SMAD9: variants seen among roughly 807,000 people sequenced by gnomAD.
The protein encoded by SMAD9 is MAD homolog 9.
Under a neutral mutation model 46.1 loss-of-function variants are expected in SMAD9, and 36 were observed. The observed-to-expected ratio is 0.78, with a 90% CI of 0.60 to 1.03. The LOEUF is 1.03. Among genes scored for constraint, SMAD9 ranks in the 50% least tolerant of loss-of-function variants. The pLI, the probability that SMAD9 is intolerant of heterozygous loss-of-function variation, is 0.00. For missense variants in SMAD9, 572 were observed against 599.8 expected, an observed-to-expected ratio of 0.95 and a Z score of 0.48; for synonymous variants, 245 against 237.1, an observed-to-expected ratio of 1.03 and a Z score of -0.31.
chr13:36,889,601 A>T (rs2058474093), intron 1 of SMAD9, among the ~76,000 whole-genome samples: 1 of 152,178 alleles, frequency 6.6e-6, no homozygotes, highest in Non-Finnish European at 1.5e-5. Flanking sequence ...TTGAAATTTT[A>T]TGTATACACA....
intron 5 of SMAD9, among the ~76,000 whole-genome samples, chr13:36,855,251 C>CAAA (rs1198605048): frequency 1.5e-4 from 7 of 45,928 alleles, no homozygotes; most frequent in African/African-American, 3.4e-4. Context: ...GAGTCCATCT[C>CAAA]AAAAAAAAAA....
chr13:36,874,728 G>A (rs1194363988), intron 2 of SMAD9, among the ~76,000 whole-genome samples: 2 of 151,438 alleles, frequency 1.3e-5, no homozygotes, highest in Non-Finnish European at 2.9e-5. Context: ...GTGGTTGCGG[G>A]TGCCTGTAGT....
chr13:36,889,733 T>C (rs1448559191), intron 1 of SMAD9, among the ~76,000 whole-genome samples: 2 of 152,164 alleles, frequency 1.3e-5, no homozygotes, highest in African/African-American at 4.8e-5. Context: ...AGGCCAACTA[T>C]TTTAGCATGA....
chr13:36,865,402 C>T, intron 5 of SMAD9, 135 bp downstream of exon 5: 1 of 725,632 alleles, frequency 1.4e-6, no homozygotes, highest in Non-Finnish European at 2.5e-6. Flanking sequence ...TCAGAGCTAT[C>T]TCAGAGCTCA....
chr13:36,884,314 G>A (rs1327927402), intron 1 of SMAD9, among the ~76,000 whole-genome samples: 1 of 152,144 alleles, frequency 6.6e-6, no homozygotes, highest in Non-Finnish European at 1.5e-5. Context: ...TGCGTGATTA[G>A]CGTTCATAAG....
At chr13:36,911,511 T>C (rs1360438383) in intron 1 of SMAD9, among the ~76,000 whole-genome samples, 1 of 151,634 alleles carries the variant, frequency 6.6e-6, no homozygotes, top group East Asian at 1.9e-4. Flanking sequence ...TAAATGACTA[T>C]AAATCATCTG....
intron 1 of SMAD9, among the ~76,000 whole-genome samples, chr13:36,913,866 C>T (rs1469245501): frequency 2.6e-5 from 4 of 152,334 alleles, no homozygotes; most frequent in Admixed American, 2.6e-4. Context: ...TTTTCATCTT[C>T]CACATTCATT....
At chr13:36,889,166 TC>T (rs1247961326) in intron 1 of SMAD9, among the ~76,000 whole-genome samples, 1 of 152,212 alleles carries the variant, frequency 6.6e-6, no homozygotes, top group African/African-American at 2.4e-5. Flanking sequence ...ATTCATTTTT[TC>T]CCACCCTTCC....
chr13:36,852,249 T>G, intron 6 of SMAD9: 1 of 937,578 alleles, frequency 1.1e-6, no homozygotes, highest in Non-Finnish European at 1.3e-6. Context: ...CATGGTAATT[T>G]TAAAGTGCTA....
At chr13:36,853,339 T>C in intron 6 of SMAD9, 80 bp downstream of exon 6, 1 of 1,377,684 alleles carries the variant, frequency 7.3e-7, no homozygotes, top group Non-Finnish European at 1.0e-6. Context: ...ACCGCACAAC[T>C]GCCTGCCACA....
At chr13:36,907,204 G>T (rs1392642034) in intron 1 of SMAD9, among the ~76,000 whole-genome samples, 1 of 152,152 alleles carries the variant, frequency 6.6e-6, no homozygotes, top group Non-Finnish European at 1.5e-5. Flanking sequence ...TCATAGAGAA[G>T]AAAGTAGAAT....
At chr13:36,895,269 T>G (rs2058518914) in intron 1 of SMAD9, among the ~76,000 whole-genome samples, 1 of 152,186 alleles carries the variant, frequency 6.6e-6, no homozygotes. Flanking sequence ...TAGACATGAC[T>G]AAGAGGAAAC....
rs143675570 is a variant in SMAD9 at position 36,910,682 on chromosome 13, T to C, written c.-187+9434A>G. ...TGTGCAGCTCTATCTTTCCTGCTCCTTCTTCAAAACAGAGCTGGAAGCCAA... is the reference window on the plus strand; with the variant it reads ...TGTGCAGCTCTATCTTTCCTGCTCCCTCTTCAAAACAGAGCTGGAAGCCAA... On this transcript the variant is annotated intron_variant, in intron 1 of 6. Transcript: ENST00000379826. Among the ~76,000 whole-genome samples the C allele has an allele frequency of 2.5e-3, 379 of 152,302 alleles. 2 individuals are homozygous for C. The highest frequency in any genetic ancestry group is 0.018 in the South Asian group (87 of 4,830).
intron 1 of SMAD9, among the ~76,000 whole-genome samples, chr13:36,901,182 C>T (rs1246894412): frequency 6.6e-6 from 1 of 152,166 alleles, no homozygotes; most frequent in African/African-American, 2.4e-5. Context: ...TTCTTTCGAG[C>T]ATATACCTAG....
At chr13:36,881,973 TCAG>T (rs1477864327) in intron 1 of SMAD9, among the ~76,000 whole-genome samples, 3 of 152,202 alleles carry the variant, frequency 2.0e-5, no homozygotes, top group Non-Finnish European at 4.4e-5. Flanking sequence ...ATAAAAACAC[TCAG>T]CGAGTTAAAC....
chr13:36,902,412 A>C (rs1247199427), intron 1 of SMAD9, among the ~76,000 whole-genome samples: 1 of 151,748 alleles, frequency 6.6e-6, no homozygotes, highest in Non-Finnish European at 1.5e-5. Context: ...GTATATTTGT[A>C]GTTAAGTTTT....
At chr13:36,876,960 G>A (rs535897467) in intron 2 of SMAD9, among the ~76,000 whole-genome samples, 45 of 151,114 alleles carry the variant, frequency 3.0e-4, no homozygotes, top group Admixed American at 9.9e-4. Context: ...TAATATAATC[G>A]TTACCCATCT....
chr13:36,906,073 T>C lies in SMAD9; in HGVS notation c.-187+14043A>G, dbSNP rs542324705. Among the ~76,000 whole-genome samples the C allele has an allele frequency of 1.2e-4, 18 of 152,250 alleles. No homozygotes were observed. The South Asian group carries it at 3.7e-3, about 32-fold the overall frequency. ...GAAAAATAACAAAGACTCTAAGGAA[T>C]GGCAGCTAATTTTTCTTCACTGATC... On this transcript the variant is annotated intron_variant, in intron 1 of 6. Transcript: ENST00000379826.
At chr13:36,892,248 C>T (rs987047590) in intron 1 of SMAD9, among the ~76,000 whole-genome samples, 1 of 152,090 alleles carries the variant, frequency 6.6e-6, no homozygotes, top group Non-Finnish European at 1.5e-5. Context: ...AGTTGGTCAT[C>T]GTGCAGAGCA....
Sources: gnomAD v4.1 joint callset for allele counts (sites outside exome capture counted in the v4.1 genomes callset) on GRCh38, gnomAD v4.1.1 for gene constraint, MANE v1.5 for transcripts, NCBI Gene and HGNC (gene_info 2026-07-23, HGNC 2026-07-21) for gene names.